Variants in SPACA9 observed in about 807,000 individuals in gnomAD.
SPACA9 encodes the protein sperm acrosome associated 9.
Under a neutral mutation model 12.5 loss-of-function variants are expected in SPACA9, and 14 were observed. The ratio of observed to expected loss-of-function variants is 1.12; its 90% confidence interval spans 0.74 to 1.75. SPACA9 has a LOEUF of 1.75. Among genes scored for constraint, SPACA9 ranks in the 40% most tolerant of loss-of-function variants. The pLI, the probability that SPACA9 is intolerant of heterozygous loss-of-function variation, is 0.00. For missense variants in SPACA9, 292 were observed against 291.9 expected (o/e 1.00, Z 0.00); for synonymous variants, 111 against 114.1 (o/e 0.97, Z 0.17).
At chr9:132,886,201 C>A (rs1844561525) in intron 2 of SPACA9, among the ~76,000 whole-genome samples, 1 of 152,168 alleles carries the variant, frequency 6.6e-6, no homozygotes, top group African/African-American at 2.4e-5. Flanking sequence ...GAGAGTAGAA[C>A]CATCTGACTA....
At chr9:132,883,555 C>T (rs193119003) in intron 1 of SPACA9, among the ~76,000 whole-genome samples, 2,315 of 152,042 alleles carry the variant, frequency 0.015, 137 homozygotes, top group Admixed American at 0.12. Flanking sequence ...TATGTGTGTG[C>T]ACATGCATGT....
Position 132,889,169 on chromosome 9 carries a change from G to T in SPACA9, c.*558G>T. The T allele has an allele frequency of 5.1e-6, 5 of 989,270 alleles. No individual in the cohort carries two copies. The highest frequency in any genetic ancestry group is 6.0e-6 in the Non-Finnish European group (5 of 832,256). The allele number at this position is 989,270 out of a possible 1,614,324, so 61.3% of individuals were successfully genotyped here. A position where few individuals can be genotyped will look rare whatever the true frequency, so the allele number is the denominator to read the frequency against. On this transcript the variant is annotated 3_prime_UTR_variant, in exon 4 of 4. Coordinates refer to ENST00000356311, the MANE Select transcript of SPACA9 (RefSeq NM_001316897.2). ...GAAGTTGCCCAAACAGGATGGTGTG[G>T]TAGAGGGTCCCAGGAGGGCACTGAA...
chr9:132,890,109 G>A, downstream of SPACA9: 1 of 953,788 alleles, frequency 1.0e-6, no homozygotes, highest in Non-Finnish European at 1.4e-6. Context: ...AGGACACTGG[G>A]CAGTAAGCCT....
intron 1 of SPACA9, among the ~76,000 whole-genome samples, chr9:132,881,964 A>C (rs1302377943): frequency 6.6e-6 from 1 of 152,204 alleles, no homozygotes; most frequent in Non-Finnish European, 1.5e-5. Flanking sequence ...ACTGTGCGTG[A>C]GTCAGCATGT....
chr9:132,879,228 A>G (rs2131471192), intron 1 of SPACA9, among the ~76,000 whole-genome samples: 1 of 152,276 alleles, frequency 6.6e-6, no homozygotes, highest in Admixed American at 6.5e-5. Flanking sequence ...GCAGCTTGAT[A>G]TTTTATTAGT....
At chr9:132,885,038 G>A (rs1844526824) in intron 2 of SPACA9, among the ~76,000 whole-genome samples, 1 of 151,580 alleles carries the variant, frequency 6.6e-6, no homozygotes, top group Admixed American at 6.6e-5. Flanking sequence ...GCTTGAATCT[G>A]GGAGGTGGAG....
intron 2 of SPACA9, among the ~76,000 whole-genome samples, chr9:132,886,122 A>G (rs985256861): frequency 1.6e-4 from 24 of 152,150 alleles, no homozygotes; most frequent in African/African-American, 5.3e-4. Context: ...CAGCAAGAAA[A>G]CCCTGATTTA....
At chr9:132,885,907 C>T (rs1844550764) in intron 2 of SPACA9, among the ~76,000 whole-genome samples, 2 of 152,212 alleles carry the variant, frequency 1.3e-5, no homozygotes, top group South Asian at 2.1e-4. Flanking sequence ...GTTCCCTGCA[C>T]ACCGCCCCCC....
In SPACA9 at chr9:132,888,547, AAGCC is replaced by A. The variant is rs751886154; in HGVS notation, c.610_613del (p.Leu205AsnfsTer32). The A allele has an allele frequency of 2.6e-6, 4 of 1,555,818 alleles. No individual in the cohort carries two copies. The highest frequency in any genetic ancestry group is 2.6e-6 in the Non-Finnish European group (3 of 1,149,994). On this transcript the variant is annotated frameshift_variant, in exon 4 of 4. Transcript: ENST00000356311. LOFTEE classifies it high-confidence loss of function. This position sits in a 1 kb window ranked among gnomAD's most constrained non-coding sequence, Gnocchi z 5.0. ...AAACACAAGTGTAGACAGCTCACAAAAGCCAGCCTCAAACCCAGGGGATGTTCAA... is the reference window on the plus strand; with the variant it reads ...AAACACAAGTGTAGACAGCTCACAAAAGCCTCAAACCCAGGGGATGTTCAA...
upstream of SPACA9, chr9:132,878,352 T>C: frequency 7.9e-7 from 1 of 1,259,060 alleles, no homozygotes; most frequent in Non-Finnish European, 1.0e-6. The surrounding 1 kb of genome is among the most constrained non-coding windows in gnomAD (Gnocchi z 4.7). Context: ...CCCTGCAGGC[T>C]CCGCGCCGGG....
chr9:132,879,305 G>C (rs985203247), intron 1 of SPACA9, among the ~76,000 whole-genome samples: 1 of 152,220 alleles, frequency 6.6e-6, no homozygotes, highest in African/African-American at 2.4e-5. Context: ...GTAAGAGTTT[G>C]TTGAACTCTT....
In SPACA9 at chr9:132,889,935, CTG is replaced by C. The variant is rs1324841530; in HGVS notation, c.*1326_*1327del. On this transcript the variant is annotated 3_prime_UTR_variant, in exon 4 of 4. Coordinates refer to ENST00000356311, the MANE Select transcript of SPACA9 (RefSeq NM_001316897.2). Reference sequence around the variant, plus strand: ...TGAGCTTGCCCAAAGTAATGTCTGACTGTTGGTTTTTCCCTTCACAGGGGACG... The same window carrying C: ...TGAGCTTGCCCAAAGTAATGTCTGACTTGGTTTTTCCCTTCACAGGGGACG... 2.0e-6 allele frequency: 3 copies of C among 1,484,122 alleles called. No homozygotes were observed. Among genetic ancestry groups the C allele is most frequent in the South Asian group, 1.4e-5 (1 of 69,458 alleles). The allele number at this position is 1,484,122 out of a possible 1,614,324, so 91.9% of individuals were successfully genotyped here. A position where few individuals can be genotyped will look rare whatever the true frequency, so the allele number is the denominator to read the frequency against.
Position 132,879,464 on chromosome 9 carries a change from C to A in SPACA9, c.-38+450C>A, listed in dbSNP as rs1036780882. Among the ~76,000 whole-genome samples the A allele has an allele frequency of 6.6e-5, 10 of 152,280 alleles. No homozygotes were observed. In the East Asian group the frequency reaches 9.7e-4, roughly 15 times the overall value. The stretch of plus-strand genomic sequence containing the variant: ...TCTGCTTGCTCCGTGCCTCACTTTC[C>A]TGCCCTGTGAAGAGGGAACTGCTGA... On this transcript the variant is annotated intron_variant, in intron 1 of 3. Coordinates refer to ENST00000356311, the MANE Select transcript of SPACA9 (RefSeq NM_001316897.2).
At chr9:132,883,288 C>G (rs1844474591) in intron 1 of SPACA9, among the ~76,000 whole-genome samples, 2 of 152,252 alleles carry the variant, frequency 1.3e-5, no homozygotes, top group Non-Finnish European at 2.9e-5. Context: ...GCCCCCAGCC[C>G]AGAGCAGGCA....
chr9:132,888,352 T>C lies in SPACA9; in HGVS notation c.410T>C (p.Val137Ala). 1 of 1,613,770 alleles carries C rather than the reference T, an allele frequency of 6.2e-7. No individual in the cohort carries two copies. Among genetic ancestry groups the C allele is most frequent in the Non-Finnish European group, 8.5e-7 (1 of 1,179,926 alleles). The change falls in exon 4 of 4, where the codon GTG becomes GCG. Residue 137 changes from valine to alanine, a missense_variant. Transcript: ENST00000356311. The surrounding 1 kb of genome is among the most constrained non-coding windows in gnomAD (Gnocchi z 5.0). ...GAGGCCCGGAACCACTACGGCGGCG[T>C]GGTCAGCCTCATCCCCCTCATCCTA... ...CDEARNHYGG[V>A]VSLIPLILDL...
chr9:132,880,990 C>CT (rs1844408513), intron 1 of SPACA9, among the ~76,000 whole-genome samples: 1 of 151,842 alleles, frequency 6.6e-6, no homozygotes, highest in Non-Finnish European at 1.5e-5. Flanking sequence ...GCCCGGCTAA[C>CT]TTTTTTTGTA....
intron 1 of SPACA9, among the ~76,000 whole-genome samples, chr9:132,881,262 C>CA (rs1165719674): frequency 2.5e-3 from 46 of 18,702 alleles, no homozygotes; most frequent in South Asian, 7.1e-3. Context: ...CCCATCTCTA[C>CA]AAAAAAAAAG....
intron 1 of SPACA9, among the ~76,000 whole-genome samples, chr9:132,883,558 A>G (rs1392626701): frequency 2.0e-5 from 3 of 152,028 alleles, no homozygotes; most frequent in Admixed American, 6.6e-5. Flanking sequence ...GTGTGTGCAC[A>G]TGCATGTGTG....
rs1844290533 is a variant in SPACA9, at chr9:132,879,012, AG to A, written c.-38+1del. ...AGCGAAGAGCGCTCTAGGACAAGCAAGGGTAAACAGGGATGAGTGTGGGTGG... is the reference window on the plus strand; with the variant it reads ...AGCGAAGAGCGCTCTAGGACAAGCAAGGTAAACAGGGATGAGTGTGGGTGG... On this transcript the variant is annotated splice_region_variant and 5_prime_UTR_variant, in exon 1 of 4. Coordinates refer to ENST00000356311, the MANE Select transcript of SPACA9 (RefSeq NM_001316897.2). The A allele has an allele frequency of 6.5e-6, 1 of 154,436 alleles. No individual in the cohort carries two copies. Among genetic ancestry groups the A allele is most frequent in the Non-Finnish European group, 1.4e-5 (1 of 70,108 alleles). The allele number at this position is 154,436 out of a possible 1,614,324, so 9.6% of individuals were successfully genotyped here. A position where few individuals can be genotyped will look rare whatever the true frequency, so the allele number is the denominator to read the frequency against.
Sources: allele counts gnomAD v4.1 joint callset (sites outside exome capture counted in the v4.1 genomes callset), GRCh38; gene constraint gnomAD v4.1.1; non-coding constraint Gnocchi (gnomAD v3.1); transcripts MANE v1.5; gene names NCBI Gene and HGNC (gene_info 2026-07-23, HGNC 2026-07-21).